Variants in SGSM1 observed in about 807,000 individuals in gnomAD.
The protein encoded by SGSM1 is small G protein signaling modulator 1, also known as RUN and TBC1 domain containing 2.
In SGSM1, 73 loss-of-function variants were observed where a neutral mutation model predicts 133.8. The ratio of observed to expected loss-of-function variants is 0.55; its 90% confidence interval spans 0.45 to 0.66. The LOEUF is 0.66. SGSM1 is among the 30% of genes least tolerant of loss of function. The pLI, the probability that SGSM1 is intolerant of heterozygous loss-of-function variation, is 0.00. For synonymous variants in SGSM1, 563 were observed against 573.0 expected (o/e 0.98, Z 0.25); for missense variants, 1,213 against 1,448.1 (o/e 0.84, Z 2.64).
intron 2 of SGSM1, among the ~76,000 whole-genome samples, chr22:24,821,783 T>G (rs1928485801): frequency 2.0e-5 from 3 of 152,196 alleles, no homozygotes; most frequent in Admixed American, 2.0e-4. Flanking sequence ...TTGGAGCAGT[T>G]ATAGGTTCTC....
rs757335050 is a variant in SGSM1, at chr22:24,835,666, G to A, written c.64-9231G>A. On this transcript the variant is annotated intron_variant, in intron 2 of 24. Transcript: ENST00000400358. ...CTGGGAAAAGAGCATTCCAGGCAAA[G>A]GGAACAGGAATTGCAGAGGACATGA... is the stretch of plus-strand genomic sequence containing the variant. Among the ~76,000 whole-genome samples the A allele has an allele frequency of 6.6e-5, 10 of 152,124 alleles. No homozygotes were observed. In the South Asian group the frequency reaches 8.3e-4, roughly 13 times the overall value.
Position 24,872,715 on chromosome 22 carries a change from C to G in SGSM1, c.1291+3860C>G, listed in dbSNP as rs190619524. Among the ~76,000 whole-genome samples, 256 of 152,128 alleles carry G rather than the reference C, an allele frequency of 1.7e-3. 4 individuals carry two copies. Among genetic ancestry groups the G allele is most frequent in the Admixed American group, 0.016 (237 of 15,290 alleles). On this transcript the variant is annotated intron_variant, in intron 12 of 24. Transcript: ENST00000400358. Reference sequence around the variant, plus strand: ...AGGCAGATCACGAGGTCAGGAGATTCGAGACCATCCTGGCTAACACGGTGA... The same window carrying G: ...AGGCAGATCACGAGGTCAGGAGATTGGAGACCATCCTGGCTAACACGGTGA...
intron 9 of SGSM1, among the ~76,000 whole-genome samples, chr22:24,865,209 C>A (rs1243686053): frequency 6.6e-6 from 1 of 152,182 alleles, no homozygotes; most frequent in African/African-American, 2.4e-5. Context: ...CTGAGCATCA[C>A]AGAGAAGTGA....
intron 21 of SGSM1, among the ~76,000 whole-genome samples, chr22:24,907,825 T>G (rs538904404): frequency 7.2e-6 from 1 of 139,378 alleles, no homozygotes; most frequent in East Asian, 2.2e-4. Context: ...GGCAGGAGAA[T>G]GGCATGAACC....
intron 20 of SGSM1, among the ~76,000 whole-genome samples, chr22:24,903,696 C>G (rs1334060676): frequency 6.6e-6 from 1 of 152,046 alleles, no homozygotes; most frequent in Non-Finnish European, 1.5e-5. Context: ...GTTAAGAAAA[C>G]TAAAGAAACC....
intron 10 of SGSM1, 89 bp downstream of exon 10, chr22:24,867,249 C>A (rs138089833): frequency 1.2e-4 from 156 of 1,272,934 alleles, no homozygotes; most frequent in Non-Finnish European, 1.6e-4. Flanking sequence ...GCATCATGAG[C>A]GAATGATATG....
chr22:24,813,337 G>A (rs535518133), intron 2 of SGSM1, among the ~76,000 whole-genome samples: 51 of 152,320 alleles, frequency 3.3e-4, no homozygotes, highest in South Asian at 6.2e-4. Context: ...TCTGAGCAGG[G>A]GAGGAACAGG....
intron 5 of SGSM1, 72 bp from the exon 6 acceptor site, chr22:24,854,924 G>A: frequency 1.6e-6 from 2 of 1,260,866 alleles, no homozygotes; most frequent in Non-Finnish European, 2.3e-6. Context: ...ACTGGGGATT[G>A]AACTCTCATC....
intron 2 of SGSM1, among the ~76,000 whole-genome samples, chr22:24,826,562 C>G (rs1481186738): frequency 6.6e-6 from 1 of 152,170 alleles, no homozygotes; most frequent in Non-Finnish European, 1.5e-5. Flanking sequence ...AGGCACTGTC[C>G]TGGGGGCTCA....
At chr22:24,811,572 T>G (rs1927744371) in intron 2 of SGSM1, among the ~76,000 whole-genome samples, 1 of 152,036 alleles carries the variant, frequency 6.6e-6, no homozygotes. Context: ...TGTAATAACA[T>G]TAGCAATTCC....
At chr22:24,892,073 G>A (rs1360460305) in intron 16 of SGSM1, among the ~76,000 whole-genome samples, 1 of 152,116 alleles carries the variant, frequency 6.6e-6, no homozygotes, top group East Asian at 1.9e-4. Context: ...GGGCGGGGTG[G>A]TCAGGCTGCA....
Position 24,884,192 on chromosome 22 carries a change from C to T in SGSM1, c.1635C>T (p.Asp545=). ...GGATCTGGGAGCAGTACCTTCACGA[C>T]AGCACAGTAAGGCTTAGCTGGGCTT... The part of the protein sequence containing the change: ...TARIWEQYLH[D]STSYEEQELL... Residue 545 remains aspartate, a synonymous_variant, in exon 15 of 25, where the codon GAC becomes GAT. Transcript: ENST00000400358. 6.2e-7 allele frequency: 1 copy of T among 1,613,428 alleles called. No homozygotes were observed. The highest frequency in any genetic ancestry group is 8.5e-7 in the Non-Finnish European group (1 of 1,179,512).
intron 16 of SGSM1, among the ~76,000 whole-genome samples, chr22:24,893,085 G>C (rs73403295): frequency 0.014 from 2,042 of 151,132 alleles, 50 homozygotes; most frequent in African/African-American, 0.047. Context: ...GAAGCGGAGG[G>C]GGGGGAGGGA....
chr22:24,919,040 CTTTTTTT>C (rs143985087), intron 23 of SGSM1, among the ~76,000 whole-genome samples: 2 of 71,778 alleles, frequency 2.8e-5, no homozygotes, highest in African/African-American at 1.3e-4. Context: ...CACACCCGGC[CTTTTTTT>C]TTTTTTTTTT....
chr22:24,867,270 C>A, intron 10 of SGSM1, 110 bp downstream of exon 10: 1 of 1,041,778 alleles, frequency 9.6e-7, no homozygotes, highest in South Asian at 1.4e-5. Context: ...GTGGACACCC[C>A]ATGTTACCTG....
intron 2 of SGSM1, among the ~76,000 whole-genome samples, chr22:24,822,338 C>G (rs1480756901): frequency 6.6e-6 from 1 of 152,086 alleles, no homozygotes; most frequent in South Asian, 2.1e-4. Context: ...CTGATCTGCC[C>G]GCCTCGGCCT....
At chr22:24,821,468 TGAG>T (rs148970874) in intron 2 of SGSM1, among the ~76,000 whole-genome samples, 8 of 151,876 alleles carry the variant, frequency 5.3e-5, no homozygotes, top group South Asian at 2.1e-4. Context: ...GAGCAGGAAG[TGAG>T]GAGGAGAGAG....
chr22:24,846,990 G>A lies in SGSM1; in HGVS notation c.140-644G>A, dbSNP rs549140983. On this transcript the variant is annotated intron_variant, in intron 3 of 24. Transcript: ENST00000400358. ...TGAGTAGCTGGGACTACAGGCGGCC[G>A]CCCCCACACCTGGCTAATTTCTTAT... 2.2e-3 allele frequency among the ~76,000 whole-genome samples: 338 copies of A among 151,924 alleles called. 2 individuals carry two copies. The highest frequency in any genetic ancestry group is 7.4e-3 in the African/African-American group (306 of 41,454).
chr22:24,817,172 G>A (rs1343410718), intron 2 of SGSM1, among the ~76,000 whole-genome samples: 2 of 152,146 alleles, frequency 1.3e-5, no homozygotes, highest in East Asian at 3.9e-4. Context: ...CCTGTGATGC[G>A]GGAGGTATAC....
Sources: allele counts gnomAD v4.1 joint callset (sites outside exome capture counted in the v4.1 genomes callset), GRCh38; gene constraint gnomAD v4.1.1; transcripts MANE v1.5; gene names NCBI Gene and HGNC (gene_info 2026-07-23, HGNC 2026-07-21).